The following BAALC variants were observed in gnomAD, a reference collection of about 807,000 sequenced individuals.
The protein encoded by BAALC is BAALC binder of MAP3K1 and KLF4, also known as brain and acute leukemia cytoplasmic protein.
A neutral mutation model predicts 15.5 loss-of-function variants in BAALC; 9 were observed. The observed-to-expected ratio is 0.58, with a 90% CI of 0.35 to 1.02. BAALC has a LOEUF of 1.02. BAALC is among the 50% of genes least tolerant of loss of function. BAALC has a pLI of 0.02. For synonymous variants in BAALC, 80 were observed against 74.6 expected, an observed-to-expected ratio of 1.07 and a Z score of -0.37; for missense variants, 201 against 192.4, an observed-to-expected ratio of 1.04 and a Z score of -0.27.
chr8:103,157,585 A>T (rs1417438650), intron 1 of BAALC, among the ~76,000 whole-genome samples: 3 of 152,164 alleles, frequency 2.0e-5, no homozygotes. Context: ...AGGCAGGAGG[A>T]TCACCTGAGC....
Position 103,189,615 on chromosome 8 carries a change from G to A in BAALC, c.161-23304G>A, listed in dbSNP as rs181805563. On this transcript the variant is annotated intron_variant, in intron 1 of 2. Coordinates refer to ENST00000309982, the MANE Select transcript of BAALC (RefSeq NM_024812.3). Reference sequence around the variant, plus strand: ...TCAGCAAGCAAGGCACTGATCAGAGGTTGCCCCCTCACCAGACTGGAAAGG... The same window carrying A: ...TCAGCAAGCAAGGCACTGATCAGAGATTGCCCCCTCACCAGACTGGAAAGG... Among the ~76,000 whole-genome samples the A allele has an allele frequency of 7.2e-5, 11 of 152,342 alleles. No individual in the cohort carries two copies. In the East Asian group the frequency reaches 1.5e-3, roughly 21 times the overall value.
intron 2 of BAALC, among the ~76,000 whole-genome samples, chr8:103,224,187 A>T (rs1302194595): frequency 6.6e-6 from 1 of 151,974 alleles, no homozygotes; most frequent in Admixed American, 6.6e-5. Flanking sequence ...TGAAGTAACT[A>T]CTGTTGATGA....
chr8:103,214,559 A>AT, intron 2 of BAALC, among the ~76,000 whole-genome samples: 2 of 152,386 alleles, frequency 1.3e-5, no homozygotes, highest in Middle Eastern at 6.8e-3. Flanking sequence ...ATTCTTGCTC[A>AT]TATCAGTGAG....
At chr8:103,215,307 G>T (rs1048934389) in intron 2 of BAALC, among the ~76,000 whole-genome samples, 3 of 152,184 alleles carry the variant, frequency 2.0e-5, no homozygotes, top group Non-Finnish European at 4.4e-5. Context: ...TGAGTTACAT[G>T]AATAAGGCCA....
At chr8:103,142,611 A>C (rs948960982) in intron 1 of BAALC, among the ~76,000 whole-genome samples, 6 of 152,184 alleles carry the variant, frequency 3.9e-5, no homozygotes, top group African/African-American at 1.4e-4. Flanking sequence ...GCATGAAAAA[A>C]ATAATAATAA....
intron 1 of BAALC, among the ~76,000 whole-genome samples, chr8:103,168,914 C>T (rs924539620): frequency 1.3e-5 from 2 of 151,996 alleles, no homozygotes; most frequent in African/African-American, 4.8e-5. Context: ...TACATTTAAT[C>T]GATAGTTTGG....
At chr8:103,159,400 T>C (rs1811172020) in intron 1 of BAALC, among the ~76,000 whole-genome samples, 1 of 152,252 alleles carries the variant, frequency 6.6e-6, no homozygotes. Flanking sequence ...TACTTGGAAT[T>C]CTTTTATAAA....
chr8:103,183,489 G>T (rs78236054), intron 1 of BAALC: 41,233 of 702,642 alleles, frequency 0.059, 1,457 homozygotes, highest in African/African-American at 0.12. Context: ...AGGGTATGGG[G>T]GGACCAGATC....
chr8:103,186,857 C>T (rs896309303), intron 1 of BAALC, among the ~76,000 whole-genome samples: 2 of 152,006 alleles, frequency 1.3e-5, no homozygotes, highest in Non-Finnish European at 2.9e-5. Context: ...TGCAATTTTC[C>T]AAGTTTAATC....
intron 1 of BAALC, among the ~76,000 whole-genome samples, chr8:103,175,473 A>G (rs1287551900): frequency 6.6e-6 from 1 of 152,182 alleles, no homozygotes; most frequent in African/African-American, 2.4e-5. Context: ...TTTCCTAGTT[A>G]AATGGGGAAA....
intron 1 of BAALC, among the ~76,000 whole-genome samples, chr8:103,167,726 G>GAGGGGAGGCAGTGCTGGGAGC (rs1478658513): frequency 1.3e-5 from 2 of 152,316 alleles, no homozygotes; most frequent in Admixed American, 1.3e-4. Context: ...AGCCATGAGT[G>GAGGGGAGGCAGTGCTGGGAGC]AGGGGAGGCA....
intron 1 of BAALC, among the ~76,000 whole-genome samples, chr8:103,185,817 T>A (rs1295640294): frequency 6.6e-6 from 1 of 152,250 alleles, no homozygotes; most frequent in Admixed American, 6.5e-5. Flanking sequence ...TAGTCACAAG[T>A]GTACAAAGGA....
chr8:103,223,856 A>G (rs1812737577), intron 2 of BAALC, among the ~76,000 whole-genome samples: 1 of 152,176 alleles, frequency 6.6e-6, no homozygotes, highest in Non-Finnish European at 1.5e-5. Context: ...GAACATTTCC[A>G]TTTCCATTCT....
chr8:103,177,760 G>A (rs1379810531), intron 1 of BAALC, among the ~76,000 whole-genome samples: 1 of 152,164 alleles, frequency 6.6e-6, no homozygotes, highest in African/African-American at 2.4e-5. Flanking sequence ...TTGTGTTAGG[G>A]TAACAAGAGT....
chr8:103,221,749 G>T (rs984607111), intron 2 of BAALC, among the ~76,000 whole-genome samples: 1 of 152,056 alleles, frequency 6.6e-6, no homozygotes, highest in East Asian at 1.9e-4. Flanking sequence ...TCTCTCTCTT[G>T]CTTGGGCTTG....
intron 1 of BAALC, among the ~76,000 whole-genome samples, chr8:103,192,496 T>C (rs546090429): frequency 6.6e-6 from 1 of 152,230 alleles, no homozygotes; most frequent in Non-Finnish European, 1.5e-5. Flanking sequence ...TCCTTATTAA[T>C]TCACCATTGT....
intron 1 of BAALC, among the ~76,000 whole-genome samples, chr8:103,148,894 T>C (rs1810926064): frequency 6.6e-6 from 1 of 152,256 alleles, no homozygotes; most frequent in South Asian, 2.1e-4. Flanking sequence ...CCTGGCTGTT[T>C]AGATTCAAAT....
intron 2 of BAALC, among the ~76,000 whole-genome samples, chr8:103,225,444 G>A (rs1812784560): frequency 6.6e-6 from 1 of 152,220 alleles, no homozygotes. Flanking sequence ...AGATAAGGAT[G>A]TAAGTAATTG....
intron 1 of BAALC, among the ~76,000 whole-genome samples, chr8:103,185,043 A>C (rs995915332): frequency 6.6e-6 from 1 of 152,190 alleles, no homozygotes; most frequent in African/African-American, 2.4e-5. Flanking sequence ...ACCACTCCCT[A>C]GTCTCCGAAG....
Sources: allele counts gnomAD v4.1 joint callset (sites outside exome capture counted in the v4.1 genomes callset), GRCh38; gene constraint gnomAD v4.1.1; transcripts MANE v1.5; gene names NCBI Gene and HGNC (gene_info 2026-07-23, HGNC 2026-07-21).